RAD51B: variants seen among roughly 807,000 people sequenced by gnomAD.
The protein encoded by RAD51B is RAD51 paralog B.
In RAD51B, 38 loss-of-function variants were observed where a neutral mutation model predicts 42.2. The observed-to-expected ratio is 0.90, with a 90% CI of 0.70 to 1.18. The LOEUF (loss-of-function observed/expected upper bound fraction) is 1.18. RAD51B is among the 50% of genes most tolerant of loss of function. The pLI is 0.00. For missense variants in RAD51B, 373 were observed against 400.7 expected (o/e 0.93, Z 0.59); for synonymous variants, 154 against 145.2 (o/e 1.06, Z -0.43).
chr14:68,617,815 TAG>T (rs1891856526), intron 10 of RAD51B, among the ~76,000 whole-genome samples: 2 of 152,218 alleles, frequency 1.3e-5, no homozygotes, highest in African/African-American at 4.8e-5. Flanking sequence ...CTAGTTTTGG[TAG>T]AGACAGGGTT....
intron 4 of RAD51B, among the ~76,000 whole-genome samples, chr14:67,835,915 A>G (rs1300284794): frequency 6.6e-6 from 1 of 152,176 alleles, no homozygotes; most frequent in East Asian, 1.9e-4. Context: ...GGGGAATTAA[A>G]AAAGGATCAC....
At chr14:68,113,147 A>C (rs955220861) in intron 7 of RAD51B, among the ~76,000 whole-genome samples, 1 of 152,150 alleles carries the variant, frequency 6.6e-6, no homozygotes, top group Non-Finnish European at 1.5e-5. Flanking sequence ...GCTTTCCTGC[A>C]GGAAAAGAAT....
intron 10 of RAD51B, among the ~76,000 whole-genome samples, chr14:68,537,163 T>C (rs1237019937): frequency 6.7e-6 from 1 of 148,258 alleles, no homozygotes; most frequent in East Asian, 2.1e-4. Flanking sequence ...TGTCCCTGAA[T>C]AGAGATCCTA....
chr14:68,515,324 A>G (rs1886053479), intron 10 of RAD51B, among the ~76,000 whole-genome samples: 1 of 152,174 alleles, frequency 6.6e-6, no homozygotes, highest in Non-Finnish European at 1.5e-5. Flanking sequence ...GTGGAGGGTA[A>G]GTGAGCAAGA....
At chr14:68,262,663 C>T (rs1595623983) in intron 7 of RAD51B, among the ~76,000 whole-genome samples, 2 of 152,054 alleles carry the variant, frequency 1.3e-5, no homozygotes, top group East Asian at 3.9e-4. Context: ...ACACACTACC[C>T]CACAATATGA....
At chr14:67,973,703 A>G (rs769762692) in intron 7 of RAD51B, among the ~76,000 whole-genome samples, 1 of 152,154 alleles carries the variant, frequency 6.6e-6, no homozygotes, top group Non-Finnish European at 1.5e-5. Context: ...TTTTCAATGT[A>G]AGAATTTGTC....
intron 7 of RAD51B, among the ~76,000 whole-genome samples, chr14:68,224,200 T>C (rs1222235750): frequency 6.6e-6 from 1 of 152,240 alleles, no homozygotes; most frequent in Non-Finnish European, 1.5e-5. Context: ...GCATGAAGCC[T>C]GTTTTGTTTG....
intron 7 of RAD51B, among the ~76,000 whole-genome samples, chr14:68,023,991 A>G (rs2075910886): frequency 6.6e-6 from 1 of 152,228 alleles, no homozygotes; most frequent in Admixed American, 6.5e-5. Context: ...TCTTACACTT[A>G]AATATTTAAT....
intron 7 of RAD51B, among the ~76,000 whole-genome samples, chr14:68,009,969 A>G (rs1475084000): frequency 5.9e-5 from 9 of 151,738 alleles, no homozygotes. Flanking sequence ...TTCTATGCTT[A>G]TTTCCACTTC....
intron 7 of RAD51B, among the ~76,000 whole-genome samples, chr14:67,972,435 C>T (rs959591074): frequency 3.3e-5 from 5 of 151,972 alleles, no homozygotes; most frequent in Non-Finnish European, 7.4e-5. Context: ...ATGGTGTGTC[C>T]TGGAGTGTTA....
chr14:68,076,609 G>C (rs2076837900), intron 7 of RAD51B, among the ~76,000 whole-genome samples: 1 of 152,176 alleles, frequency 6.6e-6, no homozygotes, highest in Non-Finnish European at 1.5e-5. Flanking sequence ...TGTTCAAATA[G>C]TAATCAGTGT....
intron 7 of RAD51B, among the ~76,000 whole-genome samples, chr14:68,208,983 G>T (rs917945678): frequency 6.6e-6 from 1 of 151,928 alleles, no homozygotes; most frequent in Non-Finnish European, 1.5e-5. Flanking sequence ...ATCTTCGATA[G>T]TCTTCCCTTG....
At chr14:68,385,615 C>T (rs572787760) in intron 8 of RAD51B, among the ~76,000 whole-genome samples, 47 of 152,276 alleles carry the variant, frequency 3.1e-4, no homozygotes, top group African/African-American at 8.4e-4. Context: ...ATGACCCTTA[C>T]GGTACTTTCT....
At chr14:67,939,971 A>G (rs1273459617) in intron 7 of RAD51B, among the ~76,000 whole-genome samples, 1 of 141,224 alleles carries the variant, frequency 7.1e-6, no homozygotes, top group Non-Finnish European at 1.5e-5. Flanking sequence ...TACATTATAT[A>G]TATATAAAAA....
At chr14:68,570,873 C>CCACACA (rs9323516) in intron 10 of RAD51B, among the ~76,000 whole-genome samples, 37,119 of 150,150 alleles carry the variant, frequency 0.25, 5,144 homozygotes, top group East Asian at 0.7. Flanking sequence ...GGCTGGAGCG[C>CCACACA]CACACACACA....
At chr14:68,058,120 TACTC>T (rs1294248591) in intron 7 of RAD51B, among the ~76,000 whole-genome samples, 2 of 152,070 alleles carry the variant, frequency 1.3e-5, no homozygotes, top group Non-Finnish European at 2.9e-5. Context: ...GAGTATATGA[TACTC>T]AATTTTATCT....
At chr14:68,069,814 G>A (rs567799005) in intron 7 of RAD51B, among the ~76,000 whole-genome samples, 1 of 152,248 alleles carries the variant, frequency 6.6e-6, no homozygotes, top group South Asian at 2.1e-4. Flanking sequence ...CCAGTAATGG[G>A]ATTGCTGGGT....
chr14:67,835,200 A>G lies in RAD51B; in HGVS notation c.315+4A>G, dbSNP rs1267310731. ...GGCTTGTGGATCCCTCACAGAGGTA[A>G]AGGAAAAATTTTTCGTACCTTCTTC... On this transcript the variant is annotated splice_donor_region_variant and intron_variant, in intron 4 of 10. Coordinates refer to ENST00000471583, the MANE Select transcript of RAD51B (RefSeq NM_133510.4). 1 of 1,605,584 alleles carries G rather than the reference A, an allele frequency of 6.2e-7. No individual in the cohort carries two copies. Among genetic ancestry groups the G allele is most frequent in the South Asian group, 1.1e-5 (1 of 90,532 alleles).
intron 7 of RAD51B, among the ~76,000 whole-genome samples, chr14:68,286,339 A>T (rs2081414460): frequency 6.6e-6 from 1 of 152,248 alleles, no homozygotes; most frequent in Non-Finnish European, 1.5e-5. Flanking sequence ...CGTTTGTCAG[A>T]TTCTTGGGTC....
Sources: allele counts gnomAD v4.1 joint callset (sites outside exome capture counted in the v4.1 genomes callset), GRCh38; gene constraint gnomAD v4.1.1; transcripts MANE v1.5; gene names NCBI Gene and HGNC (gene_info 2026-07-23, HGNC 2026-07-21).